Variants in TNFSF4 observed in about 807,000 individuals in gnomAD.
TNFSF4 encodes the protein tumor necrosis factor ligand superfamily member 4.
A neutral mutation model predicts 7.3 loss-of-function variants in TNFSF4; 4 were observed. That is an observed-to-expected ratio of 0.55 (90% CI 0.27 to 1.25). The LOEUF (loss-of-function observed/expected upper bound fraction) is 1.25, where lower values mean the gene tolerates loss of function less well. TNFSF4 is among the 50% of genes most tolerant of loss of function. TNFSF4 has a pLI of 0.12. For synonymous variants in TNFSF4, 76 were observed against 83.7 expected (o/e 0.91, Z 0.50); for missense variants, 181 against 208.8 (o/e 0.87, Z 0.82).
Position 173,184,187 on chromosome 1 carries a change from A to C in TNFSF4, c.*2329T>G, listed in dbSNP as rs1350712489. ...AACAGAAAGAAAAGCAAGACCCAGA[A>C]ATGGGAAATGACTTTCCCAAGGTTA... On this transcript the variant is annotated 3_prime_UTR_variant, in exon 3 of 3. Coordinates refer to ENST00000281834, the MANE Select transcript of TNFSF4 (RefSeq NM_003326.5). 1 of 152,230 alleles carries C rather than the reference A, an allele frequency of 6.6e-6. No individual in the cohort carries two copies. The highest frequency in any genetic ancestry group is 1.9e-4 in the East Asian group (1 of 5,200). The allele number at this position is 152,230 out of a possible 1,614,324, so 9.4% of individuals were successfully genotyped here. A position where few individuals can be genotyped will look rare whatever the true frequency, so the allele number is the denominator to read the frequency against.
chr1:173,367,447 A>G, the TNFSF4 span, among the ~76,000 whole-genome samples: 1 of 152,248 alleles, frequency 6.6e-6, no homozygotes, highest in Non-Finnish European at 1.5e-5. Context: ...AGTAAAATAC[A>G]TAAATACCTC....
At chr1:173,251,607 C>T in the TNFSF4 span, among the ~76,000 whole-genome samples, 1 of 152,198 alleles carries the variant, frequency 6.6e-6, no homozygotes, top group Non-Finnish European at 1.5e-5. Flanking sequence ...GCCCTTGCAG[C>T]TGTGTGACCT....
the TNFSF4 span, among the ~76,000 whole-genome samples, chr1:173,420,522 C>T: frequency 6.7e-6 from 1 of 149,538 alleles, no homozygotes; most frequent in Middle Eastern, 3.2e-3. Flanking sequence ...AAGAATATGG[C>T]CACCAGGTGG....
upstream of TNFSF4, chr1:173,207,336 A>G (rs576488995): frequency 1.8e-6 from 1 of 557,408 alleles, no homozygotes; most frequent in Non-Finnish European, 2.9e-6. Context: ...CGATTGAAAG[A>G]GCAAAGCGGA....
chr1:173,265,279 T>C, the TNFSF4 span, among the ~76,000 whole-genome samples: 1 of 152,196 alleles, frequency 6.6e-6, no homozygotes, highest in Non-Finnish European at 1.5e-5. Flanking sequence ...TATCATGAGT[T>C]AATTTTAAGA....
chr1:173,238,569 A>C, the TNFSF4 span, among the ~76,000 whole-genome samples: 3 of 151,950 alleles, frequency 2.0e-5, no homozygotes, highest in African/African-American at 7.2e-5. Flanking sequence ...AAGCAAAAAC[A>C]CTACCCCTTT....
At chr1:173,423,863 T>A in the TNFSF4 span, among the ~76,000 whole-genome samples, 1 of 152,184 alleles carries the variant, frequency 6.6e-6, no homozygotes, top group Non-Finnish European at 1.5e-5. Flanking sequence ...AATAAAAAAT[T>A]TATTTCTCAC....
the TNFSF4 span, among the ~76,000 whole-genome samples, chr1:173,406,986 G>C: frequency 1.3e-5 from 2 of 152,168 alleles, no homozygotes; most frequent in African/African-American, 4.8e-5. Context: ...GGGATGGGGA[G>C]ACAGTAGCAA....
chr1:173,434,428 T>C, the TNFSF4 span, among the ~76,000 whole-genome samples: 1 of 152,228 alleles, frequency 6.6e-6, no homozygotes, highest in African/African-American at 2.4e-5. Flanking sequence ...GACTGGTAAG[T>C]GAGCAATCAG....
chr1:173,287,608 G>A, the TNFSF4 span, among the ~76,000 whole-genome samples: 101 of 152,174 alleles, frequency 6.6e-4, 1 homozygote, highest in African/African-American at 2.2e-3. Context: ...GGTCTCCATC[G>A]AAGATATGTA....
At chr1:173,432,264 T>C in the TNFSF4 span, among the ~76,000 whole-genome samples, 1 of 152,198 alleles carries the variant, frequency 6.6e-6, no homozygotes, top group African/African-American at 2.4e-5. Context: ...GTTAGACAAT[T>C]GCCATCCAAA....
At chr1:173,394,987 C>CAGATAG in the TNFSF4 span, among the ~76,000 whole-genome samples, 131 of 126,950 alleles carry the variant, frequency 1.0e-3, 1 homozygote, top group African/African-American at 3.9e-3. Context: ...ATAGAGGACA[C>CAGATAG]ATAGATAGAT....
chr1:173,366,228 T>C, the TNFSF4 span, among the ~76,000 whole-genome samples: 1 of 152,214 alleles, frequency 6.6e-6, no homozygotes, highest in Non-Finnish European at 1.5e-5. Flanking sequence ...AGCAACCTAG[T>C]GTCTATCAAC....
the TNFSF4 span, among the ~76,000 whole-genome samples, chr1:173,365,566 C>T: frequency 6.6e-6 from 1 of 152,150 alleles, no homozygotes; most frequent in Non-Finnish European, 1.5e-5. Flanking sequence ...TAAGATCATT[C>T]ATTAACTGAT....
At chr1:173,382,245 C>T in the TNFSF4 span, among the ~76,000 whole-genome samples, 1 of 152,124 alleles carries the variant, frequency 6.6e-6, no homozygotes, top group South Asian at 2.1e-4. Context: ...AGAGCTGTAA[C>T]ACTCACTGCA....
the TNFSF4 span, among the ~76,000 whole-genome samples, chr1:173,290,365 C>T: frequency 6.6e-6 from 1 of 152,098 alleles, no homozygotes; most frequent in Non-Finnish European, 1.5e-5. Context: ...ATGTAACGCT[C>T]ATAGGCTTAA....
chr1:173,425,700 T>C, the TNFSF4 span, among the ~76,000 whole-genome samples: 1 of 152,132 alleles, frequency 6.6e-6, no homozygotes, highest in African/African-American at 2.4e-5. Flanking sequence ...GAAAGAAACA[T>C]GATAGAGTAA....
chr1:173,288,093 A>G, the TNFSF4 span, among the ~76,000 whole-genome samples: 1 of 152,236 alleles, frequency 6.6e-6, no homozygotes, highest in African/African-American at 2.4e-5. Context: ...AATTTATAGA[A>G]CTATAAAGAG....
the TNFSF4 span, among the ~76,000 whole-genome samples, chr1:173,295,627 A>G: frequency 2.0e-5 from 3 of 151,994 alleles, no homozygotes; most frequent in Non-Finnish European, 4.4e-5. Flanking sequence ...GTTAATCCTC[A>G]GGCCTGAAGA....
Sources: allele counts gnomAD v4.1 joint callset (sites outside exome capture counted in the v4.1 genomes callset), GRCh38; gene constraint gnomAD v4.1.1; transcripts MANE v1.5; gene names NCBI Gene and HGNC (gene_info 2026-07-23, HGNC 2026-07-21).